MGAT4C: variants seen among roughly 807,000 people sequenced by gnomAD.
MGAT4C encodes the protein MGAT4 family member C.
In MGAT4C, 19 loss-of-function variants were observed where a neutral mutation model predicts 40.1. The observed-to-expected ratio is 0.47, with a 90% CI of 0.33 to 0.70. The LOEUF (loss-of-function observed/expected upper bound fraction) is 0.70, where lower values mean the gene tolerates loss of function less well. MGAT4C is among the 30% of genes least tolerant of loss of function. MGAT4C has a pLI of 0.02. For missense variants in MGAT4C, 491 were observed against 563.2 expected (o/e 0.87, Z 1.30); for synonymous variants, 181 against 187.1 (o/e 0.97, Z 0.27).
At chr12:86,779,480 T>C (rs1054063051) in intron 1 of MGAT4C, among the ~76,000 whole-genome samples, 3 of 152,002 alleles carry the variant, frequency 2.0e-5, no homozygotes, top group Middle Eastern at 6.8e-3. Context: ...TGTACGCCTG[T>C]AGTCCCAGAT....
At chr12:86,142,732 T>G (rs1463733409) in intron 1 of MGAT4C, among the ~76,000 whole-genome samples, 2 of 151,234 alleles carry the variant, frequency 1.3e-5, no homozygotes, top group East Asian at 1.9e-4. Flanking sequence ...GTTTTTTTTG[T>G]GGAGGGTTGG....
chr12:86,616,794 G>T (rs1171024687), intron 2 of MGAT4C, among the ~76,000 whole-genome samples: 1 of 151,582 alleles, frequency 6.6e-6, no homozygotes, highest in Admixed American at 6.6e-5. Flanking sequence ...CCCAGAGAGA[G>T]AAAAGTAAAC....
chr12:86,553,652 A>G (rs966280966), intron 2 of MGAT4C, among the ~76,000 whole-genome samples: 2 of 152,146 alleles, frequency 1.3e-5, no homozygotes, highest in Non-Finnish European at 2.9e-5. Context: ...CAGTTTACCT[A>G]TAGCTTGCTT....
intron 2 of MGAT4C, among the ~76,000 whole-genome samples, chr12:86,719,292 A>G (rs184786077): frequency 6.0e-4 from 92 of 152,298 alleles, no homozygotes; most frequent in Admixed American, 5.0e-3. Context: ...TGTTATCTAA[A>G]TGAGATCCAT....
intron 1 of MGAT4C, among the ~76,000 whole-genome samples, chr12:86,783,296 T>C (rs1402788959): frequency 6.6e-6 from 1 of 152,130 alleles, no homozygotes; most frequent in Non-Finnish European, 1.5e-5. Context: ...GAAAGTTTGA[T>C]TGACAAAGGG....
intron 2 of MGAT4C, among the ~76,000 whole-genome samples, chr12:86,700,138 T>TAGACAGACAGAC (rs60647571): frequency 7.0e-6 from 1 of 142,206 alleles, no homozygotes; most frequent in East Asian, 2.1e-4. Context: ...TGTAGATAGA[T>TAGACAGACAGAC]AGACAGACAG....
At position 86,615,112 on chromosome 12, in the gene MGAT4C, C is replaced by T. The variant is rs1012274310; in HGVS notation, c.-229+112097G>A. 2.0e-5 allele frequency among the ~76,000 whole-genome samples: 3 copies of T among 151,698 alleles called. No homozygotes were observed. The East Asian group carries it at 5.8e-4, about 29-fold the overall frequency. ...ATATATGGTTAATTGAGGATAGATC[C>T]ATTATTTTGACAGTCCAGTGAGCAA... is the stretch of plus-strand genomic sequence containing the variant. On this transcript the variant is annotated intron_variant, in intron 2 of 7. Transcript: ENST00000548651.
At chr12:86,249,772 A>G (rs969381185) in intron 1 of MGAT4C, among the ~76,000 whole-genome samples, 10 of 152,178 alleles carry the variant, frequency 6.6e-5, no homozygotes, top group African/African-American at 2.4e-4. Context: ...AGGTCCCTCT[A>G]TCTGAAATAT....
At chr12:86,828,413 T>C (rs1952850866) in intron 1 of MGAT4C, among the ~76,000 whole-genome samples, 2 of 151,556 alleles carry the variant, frequency 1.3e-5, no homozygotes, top group Admixed American at 6.6e-5. Flanking sequence ...AACCTTAATA[T>C]ACTTTCATAA....
chr12:86,280,669 TACTA>T (rs1472883939), intron 4 of MGAT4C, among the ~76,000 whole-genome samples: 1 of 151,628 alleles, frequency 6.6e-6, no homozygotes, highest in African/African-American at 2.4e-5. Context: ...GAACCTCTCT[TACTA>T]GTTTACACAT....
At chr12:86,553,881 G>A (rs1007605352) in intron 2 of MGAT4C, among the ~76,000 whole-genome samples, 5 of 152,066 alleles carry the variant, frequency 3.3e-5, no homozygotes, top group African/African-American at 1.2e-4. Flanking sequence ...CAAATTAATT[G>A]AGAAAGTCAG....
intron 4 of MGAT4C, among the ~76,000 whole-genome samples, chr12:86,280,722 C>A (rs1314919025): frequency 1.3e-5 from 2 of 151,178 alleles, no homozygotes; most frequent in Non-Finnish European, 3.0e-5. Flanking sequence ...ATGAAATAAC[C>A]CTTTATCATT....
chr12:86,039,192 G>C (rs1891558463), intron 2 of MGAT4C, among the ~76,000 whole-genome samples: 1 of 152,040 alleles, frequency 6.6e-6, no homozygotes. Flanking sequence ...TGATGATTAT[G>C]TGTCTTGGGG....
intron 1 of MGAT4C, among the ~76,000 whole-genome samples, chr12:86,826,778 A>T (rs1459842843): frequency 6.6e-6 from 1 of 151,372 alleles, no homozygotes; most frequent in Non-Finnish European, 1.5e-5. Flanking sequence ...GATCTAGTTA[A>T]ACTGAAACAA....
intron 1 of MGAT4C, among the ~76,000 whole-genome samples, chr12:86,102,488 T>C (rs1459878453): frequency 1.3e-5 from 2 of 152,066 alleles, no homozygotes; most frequent in Non-Finnish European, 2.9e-5. Flanking sequence ...GTAACACCTA[T>C]TGGAAGTAAA....
intron 1 of MGAT4C, among the ~76,000 whole-genome samples, chr12:86,792,853 C>A (rs908087216): frequency 1.3e-5 from 2 of 152,164 alleles, no homozygotes; most frequent in Non-Finnish European, 2.9e-5. Flanking sequence ...ATCGCTTGAA[C>A]CTGGAGGGCA....
chr12:86,834,159 T>C (rs1033397366), intron 1 of MGAT4C, among the ~76,000 whole-genome samples: 4 of 140,006 alleles, frequency 2.9e-5, no homozygotes, highest in Admixed American at 7.2e-5. Flanking sequence ...GATCTATCTA[T>C]AGATAGAGAT....
chr12:86,442,450 T>C (rs1028512082), intron 2 of MGAT4C, among the ~76,000 whole-genome samples: 1 of 152,166 alleles, frequency 6.6e-6, no homozygotes, highest in Admixed American at 6.6e-5. Flanking sequence ...ATTGACTAAG[T>C]TTTTTTCTAG....
intron 2 of MGAT4C, among the ~76,000 whole-genome samples, chr12:86,466,213 A>AG (rs1164084250): frequency 4.0e-5 from 6 of 151,460 alleles, no homozygotes; most frequent in Non-Finnish European, 5.9e-5. Context: ...TCCGTCAAAA[A>AG]AAAACAAAAA....
Sources: allele counts gnomAD v4.1 joint callset (sites outside exome capture counted in the v4.1 genomes callset), GRCh38; gene constraint gnomAD v4.1.1; transcripts MANE v1.5; gene names NCBI Gene and HGNC (gene_info 2026-07-23, HGNC 2026-07-21).